PRTFDC1: variants seen among roughly 807,000 people sequenced by gnomAD.
The protein encoded by PRTFDC1 is phosphoribosyl transferase domain containing 1.
A neutral mutation model predicts 34.6 loss-of-function variants in PRTFDC1; 38 were observed. The ratio of observed to expected loss-of-function variants is 1.10; its 90% confidence interval spans 0.85 to 1.44. The LOEUF (loss-of-function observed/expected upper bound fraction) is 1.44. Among genes scored for constraint, PRTFDC1 ranks in the 40% most tolerant of loss-of-function variants. The probability of loss-of-function intolerance (pLI) is 0.00; values close to 1 mark genes in which losing one functional copy is unlikely to be tolerated. For synonymous variants in PRTFDC1, 93 were observed against 98.1 expected (o/e 0.95, Z 0.31); for missense variants, 270 against 283.0 (o/e 0.95, Z 0.33).
At chr10:24,905,307 T>A (rs1281709071) in intron 3 of PRTFDC1, among the ~76,000 whole-genome samples, 1 of 141,850 alleles carries the variant, frequency 7.0e-6, no homozygotes, top group South Asian at 2.3e-4. Flanking sequence ...AGTGAAACCC[T>A]GTCTCAAGAA....
intron 3 of PRTFDC1, among the ~76,000 whole-genome samples, chr10:24,936,943 A>G (rs1222562716): frequency 1.3e-5 from 2 of 152,156 alleles, no homozygotes; most frequent in Non-Finnish European, 2.9e-5. Context: ...AGAAAGCACA[A>G]ATCATTACTG....
Position 24,898,286 on chromosome 10 carries a change from C to CAA in PRTFDC1, c.340-26225_340-26224dup, listed in dbSNP as rs34691185. 1.4e-3 allele frequency among the ~76,000 whole-genome samples: 107 copies of CAA among 75,162 alleles called. 1 individual carries two copies. The highest frequency in any genetic ancestry group is 4.1e-3 in the Admixed American group (23 of 5,588). 49.3% of individuals were successfully genotyped at this position (75,162 alleles called of 152,430 possible). ...GAAACATGGGGAAATCCCGTCTCTA[C>CAA]AAAAAAAAAAAAAAAAAAAACACAA... On this transcript the variant is annotated intron_variant, in intron 3 of 8. Coordinates refer to ENST00000320152, the MANE Select transcript of PRTFDC1 (RefSeq NM_020200.7).
At chr10:24,908,218 A>T (rs1848566494) in intron 3 of PRTFDC1, 1 of 338,052 alleles carries the variant, frequency 3.0e-6, no homozygotes, top group Admixed American at 4.1e-5. Flanking sequence ...CAGCAGATAC[A>T]TTTTTGTTGC....
At chr10:24,936,760 A>G (rs1849057115) in intron 3 of PRTFDC1, among the ~76,000 whole-genome samples, 2 of 152,110 alleles carry the variant, frequency 1.3e-5, no homozygotes, top group South Asian at 4.2e-4. Flanking sequence ...TCCAGGCCAC[A>G]ACTGCAGCCA....
chr10:24,951,732 G>A (rs892712152), intron 1 of PRTFDC1: 2 of 437,852 alleles, frequency 4.6e-6, no homozygotes, highest in African/African-American at 2.1e-5. Context: ...CAGGGAGGAC[G>A]TGGCCACAAG....
intron 1 of PRTFDC1, 139 bp from the exon 2 acceptor site, chr10:24,942,575 C>A: frequency 2.9e-6 from 2 of 692,654 alleles, no homozygotes; most frequent in Non-Finnish European, 5.1e-6. Flanking sequence ...TTTCCACAAC[C>A]TGATACAAGG....
intron 3 of PRTFDC1, among the ~76,000 whole-genome samples, chr10:24,896,307 T>G (rs935533565): frequency 6.6e-5 from 10 of 152,140 alleles, no homozygotes; most frequent in Non-Finnish European, 1.2e-4. Flanking sequence ...TGCATGTTCC[T>G]TACGAGAATC....
chr10:24,941,070 T>C (rs1296473401), intron 2 of PRTFDC1, among the ~76,000 whole-genome samples: 1 of 146,174 alleles, frequency 6.8e-6, no homozygotes, highest in Non-Finnish European at 1.5e-5. Flanking sequence ...GTTTGTGTGT[T>C]TGAGACAAGG....
rs551863198 is a variant in PRTFDC1, at chr10:24,912,806, C to T, written c.339+24378G>A. On this transcript the variant is annotated intron_variant, in intron 3 of 8. Coordinates refer to ENST00000320152, the MANE Select transcript of PRTFDC1 (RefSeq NM_020200.7). Reference sequence around the variant, plus strand: ...TTTCTCACCATCTCCACTCACCCACCGTGATCCATCAGCTCTCACCTGGAT... The same window carrying T: ...TTTCTCACCATCTCCACTCACCCACTGTGATCCATCAGCTCTCACCTGGAT... 5.3e-5 allele frequency among the ~76,000 whole-genome samples: 8 copies of T among 152,238 alleles called. No homozygotes were observed. The South Asian group carries it at 1.0e-3, about 20-fold the overall frequency.
At chr10:24,860,416 C>T (rs1000007917) in intron 4 of PRTFDC1, among the ~76,000 whole-genome samples, 17 of 152,062 alleles carry the variant, frequency 1.1e-4, no homozygotes, top group African/African-American at 4.1e-4. Context: ...AAATACTACA[C>T]ATTCGATAAC....
At chr10:24,936,406 G>T (rs950889559) in intron 3 of PRTFDC1, among the ~76,000 whole-genome samples, 2 of 151,828 alleles carry the variant, frequency 1.3e-5, no homozygotes. Context: ...AGCCTCTTGA[G>T]TACCTGGGAC....
chr10:24,858,550 G>A, intron 4 of PRTFDC1, 141 bp from the exon 5 acceptor site: 1 of 774,616 alleles, frequency 1.3e-6, no homozygotes, highest in South Asian at 1.8e-5. Context: ...AGGACTAGAG[G>A]TGATCTAGGT....
chr10:24,940,820 G>C (rs1191434907), intron 2 of PRTFDC1, among the ~76,000 whole-genome samples: 1 of 152,142 alleles, frequency 6.6e-6, no homozygotes, highest in Non-Finnish European at 1.5e-5. Context: ...ATTAGCTATT[G>C]TACGATTTTC....
At chr10:24,933,844 C>T (rs1207334175) in intron 3 of PRTFDC1, among the ~76,000 whole-genome samples, 1 of 152,052 alleles carries the variant, frequency 6.6e-6, no homozygotes, top group Non-Finnish European at 1.5e-5. Flanking sequence ...CAGGTATCTG[C>T]CACCATGCCT....
At chr10:24,937,419 T>C in intron 2 of PRTFDC1, 52 bp from the exon 3 acceptor site, 5 of 1,499,870 alleles carry the variant, frequency 3.3e-6, no homozygotes, top group Non-Finnish European at 4.5e-6. Context: ...TGAGTATTTA[T>C]GTTGCTTTAA....
chr10:24,871,641 T>C (rs1847868941), intron 4 of PRTFDC1, among the ~76,000 whole-genome samples: 1 of 138,844 alleles, frequency 7.2e-6, no homozygotes, highest in Admixed American at 7.4e-5. Context: ...GTGCAGAGGA[T>C]GGATGAAAAA....
intron 4 of PRTFDC1, among the ~76,000 whole-genome samples, chr10:24,861,617 C>T (rs4483484): frequency 0.84 from 127,493 of 151,924 alleles, 53,585 homozygotes; most frequent in African/African-American, 0.87. Flanking sequence ...CCCAATTTTG[C>T]TTCCCAGAGA....
intron 2 of PRTFDC1, 130 bp downstream of exon 2, chr10:24,942,200 C>T (rs1260069882): frequency 7.6e-6 from 5 of 659,488 alleles, no homozygotes; most frequent in African/African-American, 1.8e-5. Flanking sequence ...ATTCACTGCC[C>T]TATATAAAAG....
chr10:24,897,174 T>G (rs1375089404), intron 3 of PRTFDC1, among the ~76,000 whole-genome samples: 1 of 152,130 alleles, frequency 6.6e-6, no homozygotes, highest in African/African-American at 2.4e-5. Flanking sequence ...GAAGCCACTA[T>G]ACTCCAGCCT....
Sources: allele counts gnomAD v4.1 joint callset (sites outside exome capture counted in the v4.1 genomes callset), GRCh38; gene constraint gnomAD v4.1.1; transcripts MANE v1.5; gene names NCBI Gene and HGNC (gene_info 2026-07-23, HGNC 2026-07-21).